Variants in CLDN10 observed in about 807,000 individuals in gnomAD.
The protein encoded by CLDN10 is claudin 10.
Under a neutral mutation model 22.9 loss-of-function variants are expected in CLDN10, and 15 were observed. That is an observed-to-expected ratio of 0.65 (90% confidence interval 0.44 to 1.01). CLDN10 has a LOEUF of 1.01. CLDN10 is among the 50% of genes least tolerant of loss of function. The probability of loss-of-function intolerance (pLI) is 0.00; values close to 1 mark genes in which losing one functional copy is unlikely to be tolerated. For synonymous variants in CLDN10, 114 were observed against 111.4 expected (o/e 1.02, Z -0.15); for missense variants, 247 against 287.8 (o/e 0.86, Z 1.03).
intron 1 of CLDN10, among the ~76,000 whole-genome samples, chr13:95,464,938 G>T (rs1022490543): frequency 6.6e-6 from 1 of 152,084 alleles, no homozygotes; most frequent in African/African-American, 2.4e-5. Flanking sequence ...TGTTGCCCAG[G>T]CTGGTCTCAA....
chr13:95,553,698 T>C (rs2138644650), intron 1 of CLDN10, among the ~76,000 whole-genome samples: 1 of 152,322 alleles, frequency 6.6e-6, no homozygotes, highest in Non-Finnish European at 1.5e-5. Flanking sequence ...GCTGACCAGT[T>C]CTGCATCCGA....
chr13:95,509,473 G>T (rs2043073075), intron 1 of CLDN10, among the ~76,000 whole-genome samples: 1 of 152,180 alleles, frequency 6.6e-6, no homozygotes, highest in Admixed American at 6.5e-5. Flanking sequence ...ATTCAGAGGT[G>T]AGTGGCAGCA....
At chr13:95,461,157 G>C (rs572597565) in intron 1 of CLDN10, among the ~76,000 whole-genome samples, 1 of 151,768 alleles carries the variant, frequency 6.6e-6, no homozygotes, top group Non-Finnish European at 1.5e-5. Flanking sequence ...TCCCTATGTT[G>C]CCCAGGCCGG....
At chr13:95,555,207 T>G (rs1385897076) in intron 1 of CLDN10, among the ~76,000 whole-genome samples, 1 of 152,164 alleles carries the variant, frequency 6.6e-6, no homozygotes, top group East Asian at 1.9e-4. Flanking sequence ...TGTGCCACCA[T>G]GCCCGGCTAA....
chr13:95,524,094 C>CTTTTTTTTT (rs36014421), intron 1 of CLDN10, among the ~76,000 whole-genome samples: 1 of 137,914 alleles, frequency 7.3e-6, no homozygotes. Context: ...CTTTGACTGG[C>CTTTTTTTTT]TTTTTTTTTT....
At chr13:95,517,888 C>T (rs7337207) in intron 1 of CLDN10, among the ~76,000 whole-genome samples, 17,032 of 144,540 alleles carry the variant, frequency 0.12, 1,129 homozygotes, top group Middle Eastern at 0.27. Flanking sequence ...GAGCTGAGAT[C>T]GCGCCATTGC....
chr13:95,505,560 G>A (rs1208818117), intron 1 of CLDN10, among the ~76,000 whole-genome samples: 2 of 152,172 alleles, frequency 1.3e-5, no homozygotes, highest in Non-Finnish European at 2.9e-5. Context: ...TGGCTCCAGG[G>A]TGGTTGTTGG....
intron 1 of CLDN10, among the ~76,000 whole-genome samples, chr13:95,520,037 C>T (rs1270800711): frequency 7.2e-5 from 11 of 152,100 alleles, no homozygotes; most frequent in African/African-American, 2.2e-4. Flanking sequence ...TGTGCACGTG[C>T]GTACGCGTGC....
chr13:95,480,404 C>T (rs2042733114), intron 1 of CLDN10, among the ~76,000 whole-genome samples: 1 of 152,198 alleles, frequency 6.6e-6, no homozygotes, highest in Non-Finnish European at 1.5e-5. Flanking sequence ...GGCAGAAAAC[C>T]TCTCTCCACA....
chr13:95,531,360 T>C (rs2043340233), intron 1 of CLDN10, among the ~76,000 whole-genome samples: 1 of 152,192 alleles, frequency 6.6e-6, no homozygotes, highest in Non-Finnish European at 1.5e-5. Flanking sequence ...AATATGAAAG[T>C]TATATCCCTG....
chr13:95,484,825 C>T (rs1358318688), intron 1 of CLDN10, among the ~76,000 whole-genome samples: 5 of 142,306 alleles, frequency 3.5e-5, no homozygotes, highest in Non-Finnish European at 7.5e-5. Flanking sequence ...AAGATTGTGC[C>T]ACTGCACTCC....
At chr13:95,466,876 C>CTTTTTTTTTTTTTTTTT (rs1312550565) in intron 1 of CLDN10, among the ~76,000 whole-genome samples, 1 of 136,890 alleles carries the variant, frequency 7.3e-6, no homozygotes. Context: ...ACCCCCTCTA[C>CTTTTTTTTTTTTTTTTT]TTTTTTTTTT....
intron 3 of CLDN10, among the ~76,000 whole-genome samples, chr13:95,569,519 G>A (rs1354502234): frequency 6.6e-6 from 1 of 152,132 alleles, no homozygotes; most frequent in Non-Finnish European, 1.5e-5. Context: ...GGGGGGTGGA[G>A]GTTGCAGTGA....
At chr13:95,566,889 A>T (rs2138670759) in intron 3 of CLDN10, among the ~76,000 whole-genome samples, 1 of 152,238 alleles carries the variant, frequency 6.6e-6, no homozygotes, top group South Asian at 2.1e-4. Flanking sequence ...TTCATTCCCC[A>T]TTTCTTGTTT....
intron 1 of CLDN10, among the ~76,000 whole-genome samples, chr13:95,527,267 G>T: frequency 6.6e-6 from 1 of 152,144 alleles, no homozygotes; most frequent in South Asian, 2.1e-4. Context: ...GGAATGTTAT[G>T]TTCTTGTTTG....
At chr13:95,448,168 A>C (rs1045951221) in intron 1 of CLDN10, among the ~76,000 whole-genome samples, 6 of 151,960 alleles carry the variant, frequency 3.9e-5, no homozygotes, top group Admixed American at 3.3e-4. Context: ...TCATACACAC[A>C]ATCTCTTATC....
chr13:95,535,477 C>T (rs771467719), intron 1 of CLDN10, among the ~76,000 whole-genome samples: 4 of 149,866 alleles, frequency 2.7e-5, no homozygotes, highest in Non-Finnish European at 4.4e-5. Context: ...TCCAAGATGA[C>T]TCAGGAACAC....
chr13:95,537,418 T>G (rs942055381), intron 1 of CLDN10, among the ~76,000 whole-genome samples: 1 of 152,144 alleles, frequency 6.6e-6, no homozygotes, highest in Admixed American at 6.6e-5. Context: ...TGAATTCTGG[T>G]CTCAGCTATT....
In CLDN10 at chr13:95,552,985, C is replaced by A; in HGVS notation, c.220+12C>A. 1 of 1,612,956 alleles carries A rather than the reference C, an allele frequency of 6.2e-7. No homozygotes were observed. On this transcript the variant is annotated intron_variant, in intron 1 of 4. Transcript: ENST00000299339. The stretch of plus-strand genomic sequence containing the variant: ...GCTGGCGCTGGACGGTCTGCATCCC[C>A]GCGGCCCCCGCCCTCAGCCCTCCTT...
Sources: gnomAD v4.1 joint callset for allele counts (sites outside exome capture counted in the v4.1 genomes callset) on GRCh38, gnomAD v4.1.1 for gene constraint, MANE v1.5 for transcripts, NCBI Gene and HGNC (gene_info 2026-07-23, HGNC 2026-07-21) for gene names.